The following ADAMTS17 variants were observed in gnomAD, a reference collection of about 807,000 sequenced individuals.
ADAMTS17 encodes the protein A disintegrin and metalloproteinase with thrombospondin motifs 17.
Under a neutral mutation model 141.5 loss-of-function variants are expected in ADAMTS17, and 113 were observed. The ratio of observed to expected loss-of-function variants is 0.80; its 90% CI spans 0.69 to 0.93. The LOEUF (loss-of-function observed/expected upper bound fraction) is 0.93. ADAMTS17 is among the 40% of genes least tolerant of loss of function. The probability of loss-of-function intolerance (pLI) is 0.00; values close to 1 mark genes in which losing one functional copy is unlikely to be tolerated. For missense variants in ADAMTS17, 1,659 were observed against 1,517.9 expected (o/e 1.09, Z -1.54); for synonymous variants, 768 against 630.6 (o/e 1.22, Z -3.27).
rs572649290 is a variant in ADAMTS17 at position 100,287,290 on chromosome 15, G to A, written c.617-5889C>T. On this transcript the variant is annotated intron_variant, in intron 3 of 21. Coordinates refer to ENST00000268070, the MANE Select transcript of ADAMTS17 (RefSeq NM_139057.4). ...AGCAGGATACACCAAGTTGAGGAAG[G>A]AATCACAGAGTTCGAAGACTGGTTC... Among the ~76,000 whole-genome samples, 35 of 152,262 alleles carry A rather than the reference G, an allele frequency of 2.3e-4. No individual in the cohort carries two copies. The South Asian group carries it at 7.1e-3, about 31-fold the overall frequency.
At chr15:100,311,233 C>T (rs1867160) in intron 3 of ADAMTS17, among the ~76,000 whole-genome samples, 2,673 of 152,314 alleles carry the variant, frequency 0.018, 78 homozygotes, top group African/African-American at 0.061. Context: ...GGAACATGAA[C>T]GCCGCTGATT....
rs1404269564 is a variant in ADAMTS17 at position 100,056,078 on chromosome 15, C to T, written c.2138-2024G>A. ...CTGTTTTCAAAAAGGACAAATTCTACGCTCTGTTACAGGGTTTCATATTCT... is the reference window on the plus strand; with the variant it reads ...CTGTTTTCAAAAAGGACAAATTCTATGCTCTGTTACAGGGTTTCATATTCT... On this transcript the variant is annotated intron_variant, in intron 15 of 21. Transcript: ENST00000268070. Among the ~76,000 whole-genome samples, 14 of 152,314 alleles carry T rather than the reference C, an allele frequency of 9.2e-5. No individual in the cohort carries two copies. The South Asian group carries it at 2.3e-3, about 25-fold the overall frequency.
chr15:100,121,858 T>C (rs2037468922), intron 12 of ADAMTS17, among the ~76,000 whole-genome samples: 1 of 152,178 alleles, frequency 6.6e-6, no homozygotes, highest in Admixed American at 6.5e-5. Flanking sequence ...TGTACTCCAG[T>C]GGGTAGCTTC....
At chr15:99,986,815 C>G (rs1596160160) in intron 20 of ADAMTS17, among the ~76,000 whole-genome samples, 1 of 152,164 alleles carries the variant, frequency 6.6e-6, no homozygotes, top group African/African-American at 2.4e-5. Context: ...AATACATAGA[C>G]CCGGCATTCA....
chr15:100,261,242 C>A (rs1370641517), intron 6 of ADAMTS17, among the ~76,000 whole-genome samples: 3 of 152,142 alleles, frequency 2.0e-5, no homozygotes, highest in Non-Finnish European at 4.4e-5. Flanking sequence ...AGGGAAAATG[C>A]CATGTGACAA....
intron 3 of ADAMTS17, among the ~76,000 whole-genome samples, chr15:100,318,133 C>T (rs1177032996): frequency 2.6e-5 from 4 of 151,998 alleles, no homozygotes; most frequent in South Asian, 2.1e-4. Flanking sequence ...GATGATGAGA[C>T]GATGACATTT....
intron 20 of ADAMTS17, among the ~76,000 whole-genome samples, chr15:99,981,117 C>T (rs2060474820): frequency 6.6e-6 from 1 of 152,190 alleles, no homozygotes; most frequent in Admixed American, 6.5e-5. Flanking sequence ...TGAATTCCAC[C>T]CTCCTATGTG....
At chr15:100,228,517 C>T (rs1029078529) in intron 7 of ADAMTS17, among the ~76,000 whole-genome samples, 3 of 152,092 alleles carry the variant, frequency 2.0e-5, no homozygotes, top group Admixed American at 6.5e-5. Context: ...GAAAGAGGGA[C>T]TGGACCGAGG....
chr15:100,255,038 A>C lies in ADAMTS17; in HGVS notation c.1032-859T>G, dbSNP rs142855035. Among the ~76,000 whole-genome samples the C allele has an allele frequency of 7.9e-5, 12 of 152,272 alleles. No individual in the cohort carries two copies. The East Asian group carries it at 2.1e-3, about 27-fold the overall frequency. The stretch of plus-strand genomic sequence containing the variant: ...GGAAAAAAAAAAACTGTCTTCCTTA[A>C]AGCTCCCCAGGATCCCCTGGGTGGG... On this transcript the variant is annotated intron_variant, in intron 6 of 21. Transcript: ENST00000268070.
At chr15:100,151,884 G>T (rs1169687342) in intron 10 of ADAMTS17, among the ~76,000 whole-genome samples, 1 of 152,230 alleles carries the variant, frequency 6.6e-6, no homozygotes, top group Non-Finnish European at 1.5e-5. Context: ...CTTGCTGTTT[G>T]CATCATGGTG....
chr15:100,102,651 G>A lies in ADAMTS17; in HGVS notation c.2017-6175C>T, dbSNP rs1040286037. On this transcript the variant is annotated intron_variant, in intron 14 of 21. Coordinates refer to ENST00000268070, the MANE Select transcript of ADAMTS17 (RefSeq NM_139057.4). Reference sequence around the variant, plus strand: ...TCCACATTTGAAGCTGGGCACTGCTGCATGGTAGGTTTCCTTTCGTAACTA... The same window carrying A: ...TCCACATTTGAAGCTGGGCACTGCTACATGGTAGGTTTCCTTTCGTAACTA... 2.0e-5 allele frequency among the ~76,000 whole-genome samples: 3 copies of A among 152,334 alleles called. No individual in the cohort carries two copies. The South Asian group carries it at 6.2e-4, about 32-fold the overall frequency.
intron 7 of ADAMTS17, among the ~76,000 whole-genome samples, chr15:100,227,396 G>C (rs953244197): frequency 6.6e-6 from 1 of 152,068 alleles, no homozygotes; most frequent in Non-Finnish European, 1.5e-5. Flanking sequence ...TCATTACTAA[G>C]TCATGTCAAT....
At chr15:100,105,296 G>A (rs2036346542) in intron 14 of ADAMTS17, among the ~76,000 whole-genome samples, 1 of 152,162 alleles carries the variant, frequency 6.6e-6, no homozygotes, top group Non-Finnish European at 1.5e-5. Flanking sequence ...GACCACCATC[G>A]AGCATCATGA....
intron 18 of ADAMTS17, among the ~76,000 whole-genome samples, chr15:100,038,828 T>A (rs1205641840): frequency 6.6e-6 from 1 of 152,254 alleles, no homozygotes; most frequent in African/African-American, 2.4e-5. Flanking sequence ...GGTAAATGCC[T>A]AGGCTGGAAT....
intron 18 of ADAMTS17, among the ~76,000 whole-genome samples, chr15:100,033,136 A>C (rs892334040): frequency 4.6e-5 from 7 of 152,228 alleles, no homozygotes; most frequent in Non-Finnish European, 1.5e-5. Context: ...GGGTTGAACC[A>C]GCAGCTGATG....
chr15:100,191,377 G>T (rs932453051), intron 8 of ADAMTS17, among the ~76,000 whole-genome samples: 4 of 152,234 alleles, frequency 2.6e-5, no homozygotes, highest in African/African-American at 4.8e-5. Context: ...CAGAATACAG[G>T]TAGGACTGCA....
At chr15:100,261,710 G>C in intron 5 of ADAMTS17, 74 bp from the exon 6 acceptor site, 1 of 1,523,764 alleles carries the variant, frequency 6.6e-7, no homozygotes, top group South Asian at 1.2e-5. Flanking sequence ...CTATGACAAG[G>C]ACGTTAAGGT....
intron 12 of ADAMTS17, among the ~76,000 whole-genome samples, chr15:100,127,738 C>T (rs1034408989): frequency 2.6e-5 from 4 of 151,636 alleles, no homozygotes; most frequent in African/African-American, 9.7e-5. Flanking sequence ...TGTGCCACCG[C>T]ACCTGGCTAA....
intron 7 of ADAMTS17, among the ~76,000 whole-genome samples, chr15:100,253,011 A>C (rs1229175617): frequency 6.6e-6 from 1 of 152,088 alleles, no homozygotes; most frequent in Non-Finnish European, 1.5e-5. Context: ...AGGGCTACTC[A>C]CTGCTGGGGC....
Sources: gnomAD v4.1 joint callset for allele counts (sites outside exome capture counted in the v4.1 genomes callset) on GRCh38, gnomAD v4.1.1 for gene constraint, MANE v1.5 for transcripts, NCBI Gene and HGNC (gene_info 2026-07-23, HGNC 2026-07-21) for gene names.